The following FSTL5 variants were observed in gnomAD, a reference collection of about 807,000 sequenced individuals.
FSTL5 encodes the protein follistatin-related protein 5.
In FSTL5, 62 loss-of-function variants were observed where a neutral mutation model predicts 89.1. The observed-to-expected ratio is 0.70, with a 90% CI of 0.57 to 0.86. The LOEUF is 0.86. Ranked by LOEUF, FSTL5 falls within the 40% of genes least tolerant of loss-of-function variation. The pLI, the probability that FSTL5 is intolerant of heterozygous loss-of-function variation, is 0.00. For synonymous variants in FSTL5, 383 were observed against 346.2 expected (o/e 1.11, Z -1.18); for missense variants, 1,057 against 1,001.6 (o/e 1.06, Z -0.75).
chr4:161,527,340 C>A (rs533424401), intron 10 of FSTL5, among the ~76,000 whole-genome samples: 1 of 152,060 alleles, frequency 6.6e-6, no homozygotes, highest in Non-Finnish European at 1.5e-5. Flanking sequence ...AAGAAACTAC[C>A]ATCAGAGTGA....
At chr4:161,759,869 C>T (rs1273531603) in intron 5 of FSTL5, among the ~76,000 whole-genome samples, 2 of 151,712 alleles carry the variant, frequency 1.3e-5, no homozygotes, top group African/African-American at 4.8e-5. Context: ...GGAAATACTT[C>T]TGCATGAAAA....
chr4:161,587,111 A>G (rs1248828110), intron 8 of FSTL5, among the ~76,000 whole-genome samples: 3 of 152,166 alleles, frequency 2.0e-5, no homozygotes, highest in Non-Finnish European at 4.4e-5. Context: ...AAAACAATCA[A>G]TTAAATAGAT....
chr4:162,119,255 T>C (rs375576880), intron 1 of FSTL5, among the ~76,000 whole-genome samples: 3 of 148,632 alleles, frequency 2.0e-5, no homozygotes, highest in Admixed American at 1.3e-4. Context: ...GTGCACACAA[T>C]GAATCAGATA....
At position 161,590,778 on chromosome 4, in the gene FSTL5, T is replaced by G. The variant is rs1163986330; in HGVS notation, c.895-3203A>C. ...GAGAGGATGTGGAAAGTTTGGAACC[T>G]TCACACATTGCTAGTGAGAAGATTA... On this transcript the variant is annotated intron_variant, in intron 7 of 15. Transcript: ENST00000306100. 2.6e-5 allele frequency among the ~76,000 whole-genome samples: 4 copies of G among 152,308 alleles called. No homozygotes were observed. In the East Asian group the frequency reaches 7.7e-4, roughly 29 times the overall value.
At chr4:161,636,724 G>A (rs1173812005) in intron 7 of FSTL5, among the ~76,000 whole-genome samples, 1 of 147,168 alleles carries the variant, frequency 6.8e-6, no homozygotes, top group Non-Finnish European at 1.5e-5. Flanking sequence ...TTGGTTTTTT[G>A]TTCCTGCAAT....
chr4:161,645,454 A>T (rs1327535856), intron 7 of FSTL5, among the ~76,000 whole-genome samples: 1 of 152,068 alleles, frequency 6.6e-6, no homozygotes, highest in South Asian at 2.1e-4. Context: ...TAATATGAAT[A>T]AAGACCTTTA....
chr4:161,601,129 GAGTC>G (rs1429039236), intron 7 of FSTL5, among the ~76,000 whole-genome samples: 1 of 152,078 alleles, frequency 6.6e-6, no homozygotes, highest in Non-Finnish European at 1.5e-5. Flanking sequence ...ACATAGAGAA[GAGTC>G]ACTTTTGCAG....
intron 3 of FSTL5, among the ~76,000 whole-genome samples, chr4:162,025,586 C>G (rs1737248928): frequency 6.6e-6 from 1 of 151,954 alleles, no homozygotes; most frequent in Non-Finnish European, 1.5e-5. Context: ...TTCAAGTGTC[C>G]TGTGGATAAT....
intron 4 of FSTL5, among the ~76,000 whole-genome samples, chr4:161,829,606 C>T (rs1485026082): frequency 6.6e-6 from 1 of 151,952 alleles, no homozygotes; most frequent in Non-Finnish European, 1.5e-5. Context: ...CATCAAATAG[C>T]AAACACTTTG....
At chr4:161,984,009 T>G (rs1735898263) in intron 3 of FSTL5, among the ~76,000 whole-genome samples, 2 of 152,066 alleles carry the variant, frequency 1.3e-5, no homozygotes, top group African/African-American at 4.8e-5. Context: ...TCTATTATCT[T>G]TTACTTTTAT....
At chr4:161,837,903 C>T (rs1004031274) in intron 4 of FSTL5, among the ~76,000 whole-genome samples, 2 of 152,094 alleles carry the variant, frequency 1.3e-5, no homozygotes, top group African/African-American at 4.8e-5. Flanking sequence ...ATATACTTGA[C>T]TTTCAGGATC....
intron 2 of FSTL5, among the ~76,000 whole-genome samples, chr4:162,069,676 C>T (rs1729523133): frequency 6.6e-6 from 1 of 151,940 alleles, no homozygotes; most frequent in Admixed American, 6.6e-5. Flanking sequence ...ATTTCACTTA[C>T]TCCAATGTCC....
intron 2 of FSTL5, among the ~76,000 whole-genome samples, chr4:162,082,924 C>CT (rs1276544616): frequency 6.6e-6 from 1 of 151,368 alleles, no homozygotes; most frequent in Non-Finnish European, 1.5e-5. Flanking sequence ...GGAATAAATG[C>CT]TTCCATACAT....
chr4:161,516,703 G>C (rs1730847992), intron 10 of FSTL5, among the ~76,000 whole-genome samples: 1 of 90,004 alleles, frequency 1.1e-5, no homozygotes. Flanking sequence ...TTTATTATAT[G>C]TAAATATATA....
intron 2 of FSTL5, among the ~76,000 whole-genome samples, chr4:162,079,863 G>A (rs1043181188): frequency 6.6e-6 from 1 of 151,366 alleles, no homozygotes; most frequent in Non-Finnish European, 1.5e-5. Context: ...GGGATGAGGA[G>A]CAAGAAACTA....
At chr4:161,921,430 C>T (rs1733992524) in intron 3 of FSTL5, among the ~76,000 whole-genome samples, 1 of 152,088 alleles carries the variant, frequency 6.6e-6, no homozygotes, top group Admixed American at 6.6e-5. Context: ...ATTCCTTATG[C>T]TTTTCTAGGC....
intron 15 of FSTL5, among the ~76,000 whole-genome samples, chr4:161,427,853 T>C (rs1488510728): frequency 1.3e-5 from 2 of 152,130 alleles, no homozygotes; most frequent in Non-Finnish European, 2.9e-5. Context: ...TCACCAGTTG[T>C]CCTCCCTACA....
At chr4:161,777,526 T>C (rs1217722526) in intron 4 of FSTL5, among the ~76,000 whole-genome samples, 1 of 152,152 alleles carries the variant, frequency 6.6e-6, no homozygotes, top group Non-Finnish European at 1.5e-5. Context: ...AATTCTGACT[T>C]CTTAATAGCA....
intron 3 of FSTL5, among the ~76,000 whole-genome samples, chr4:161,921,888 A>T (rs938359321): frequency 2.0e-5 from 3 of 151,826 alleles, no homozygotes; most frequent in African/African-American, 4.8e-5. Flanking sequence ...CACATATAAA[A>T]CTCCTTGTGT....
Sources: allele counts gnomAD v4.1 joint callset (sites outside exome capture counted in the v4.1 genomes callset), GRCh38; gene constraint gnomAD v4.1.1; transcripts MANE v1.5; gene names NCBI Gene and HGNC (gene_info 2026-07-23, HGNC 2026-07-21).